RANBP17: variants seen among roughly 807,000 people sequenced by gnomAD.
RANBP17 encodes RAN binding protein 17, also known as ran-binding protein 17.
RANBP17 carries 158 observed loss-of-function variants against 141.2 expected under a neutral mutation model. That is an observed-to-expected ratio of 1.12 (90% CI 0.98 to 1.28). The LOEUF is 1.28. Among genes scored for constraint, RANBP17 ranks in the 50% most tolerant of loss-of-function variants. The probability of loss-of-function intolerance (pLI) is 0.00; values close to 1 mark genes in which losing one functional copy is unlikely to be tolerated. For synonymous variants in RANBP17, 430 were observed against 450.0 expected (o/e 0.96, Z 0.56); for missense variants, 1,438 against 1,290.7 (o/e 1.11, Z -1.75).
chr5:171,100,068 T>G (rs1388829324), intron 14 of RANBP17, among the ~76,000 whole-genome samples: 1 of 152,194 alleles, frequency 6.6e-6, no homozygotes, highest in Non-Finnish European at 1.5e-5. Context: ...AAATTTTATT[T>G]TTTTGTTGTG....
intron 14 of RANBP17, among the ~76,000 whole-genome samples, chr5:171,053,191 G>A (rs1441408439): frequency 2.0e-5 from 3 of 151,484 alleles, no homozygotes; most frequent in African/African-American, 4.9e-5. Context: ...TTTTTAATTA[G>A]GCAAGTTCTC....
intron 13 of RANBP17, among the ~76,000 whole-genome samples, chr5:170,955,452 GTATA>G (rs1224073239): frequency 5.1e-5 from 4 of 77,972 alleles, no homozygotes; most frequent in Admixed American, 1.5e-4. Flanking sequence ...AAAGAGCTCA[GTATA>G]TATATATATC....
At chr5:171,229,818 C>G (rs1026470895) in intron 22 of RANBP17, among the ~76,000 whole-genome samples, 3 of 148,650 alleles carry the variant, frequency 2.0e-5, no homozygotes, top group Admixed American at 2.0e-4. Context: ...GTAATCCCAG[C>G]ACTTTGGGAG....
At chr5:171,162,994 G>A (rs766289238) in intron 14 of RANBP17, among the ~76,000 whole-genome samples, 1 of 152,188 alleles carries the variant, frequency 6.6e-6, no homozygotes, top group South Asian at 2.1e-4. Flanking sequence ...GGTGGGTTCA[G>A]ATATTCTAAT....
intron 14 of RANBP17, among the ~76,000 whole-genome samples, chr5:171,017,805 G>A (rs774562985): frequency 2.6e-5 from 4 of 152,132 alleles, no homozygotes; most frequent in Admixed American, 6.5e-5. Flanking sequence ...TGCTTTTGGC[G>A]TTTTCATCAT....
intron 18 of RANBP17, among the ~76,000 whole-genome samples, chr5:171,184,899 A>G (rs954773037): frequency 6.6e-6 from 1 of 152,178 alleles, no homozygotes; most frequent in African/African-American, 2.4e-5. Context: ...GCGGTGGCTC[A>G]CACCTGTAAT....
intron 14 of RANBP17, among the ~76,000 whole-genome samples, chr5:171,008,599 G>C (rs192963423): frequency 1.3e-5 from 2 of 152,166 alleles, no homozygotes; most frequent in East Asian, 1.9e-4. Flanking sequence ...TTGCGGGTAG[G>C]GGGTGAATCT....
chr5:170,870,199 A>T (rs1355100215), intron 1 of RANBP17, among the ~76,000 whole-genome samples: 1 of 152,190 alleles, frequency 6.6e-6, no homozygotes, highest in Non-Finnish European at 1.5e-5. Flanking sequence ...TTATTTTCAT[A>T]TATAAATACA....
chr5:171,018,671 T>C (rs1392510645), intron 14 of RANBP17, among the ~76,000 whole-genome samples: 2 of 152,056 alleles, frequency 1.3e-5, no homozygotes, highest in African/African-American at 2.4e-5. Context: ...GATGATGGGG[T>C]TTTCTAAATA....
intron 14 of RANBP17, among the ~76,000 whole-genome samples, chr5:170,995,548 C>A (rs1044942028): frequency 6.6e-6 from 1 of 151,970 alleles, no homozygotes; most frequent in Admixed American, 6.6e-5. Context: ...ACAGACAAAG[C>A]TTTGTATACC....
chr5:171,168,435 A>C (rs995062395), intron 14 of RANBP17, among the ~76,000 whole-genome samples: 15 of 152,188 alleles, frequency 9.9e-5, no homozygotes, highest in African/African-American at 3.6e-4. Flanking sequence ...GCTGAGGCCA[A>C]GTTGTGAAAT....
At position 170,938,801 on chromosome 5, in the gene RANBP17, C is replaced by T. The variant is rs540514678; in HGVS notation, c.1468+14251C>T. Among the ~76,000 whole-genome samples the T allele has an allele frequency of 2.1e-4, 32 of 151,966 alleles. No homozygotes were observed. The South Asian group carries it at 6.2e-3, about 30-fold the overall frequency. ...AGGAAAATGAAAATATTAAAAGAGA[C>T]GTTAAAGGATGGAATGAGGTCAGGT... On this transcript the variant is annotated intron_variant, in intron 12 of 27. Transcript: ENST00000523189.
intron 13 of RANBP17, among the ~76,000 whole-genome samples, chr5:170,958,083 A>AT (rs35049493): frequency 0.61 from 93,015 of 151,896 alleles, 29,864 homozygotes; most frequent in South Asian, 0.89. Flanking sequence ...TTTTATAGGA[A>AT]TTTTCCCTGG....
intron 2 of RANBP17, among the ~76,000 whole-genome samples, chr5:170,878,803 G>T (rs958135758): frequency 2.6e-5 from 4 of 152,162 alleles, no homozygotes; most frequent in Admixed American, 2.0e-4. Flanking sequence ...AACGATTGCA[G>T]TAAGAGACTG....
chr5:170,891,466 C>T (rs1009197079), intron 3 of RANBP17, among the ~76,000 whole-genome samples: 4 of 152,090 alleles, frequency 2.6e-5, no homozygotes, highest in African/African-American at 7.2e-5. Context: ...GCGTTTTGTT[C>T]AGTTGGCCTG....
chr5:171,200,053 G>A (rs1762212782), intron 19 of RANBP17, among the ~76,000 whole-genome samples: 2 of 152,020 alleles, frequency 1.3e-5, no homozygotes, highest in Admixed American at 1.3e-4. Flanking sequence ...TTTCTTGTGG[G>A]TACACCACTT....
At chr5:171,257,212 A>G (rs946605912) in intron 24 of RANBP17, among the ~76,000 whole-genome samples, 9 of 152,262 alleles carry the variant, frequency 5.9e-5, no homozygotes, top group African/African-American at 1.9e-4. Context: ...ATAGTACACG[A>G]TGATCAATTG....
At chr5:171,273,702 A>G (rs1212363169) in intron 25 of RANBP17, among the ~76,000 whole-genome samples, 1 of 152,186 alleles carries the variant, frequency 6.6e-6, no homozygotes, top group Admixed American at 6.5e-5. Flanking sequence ...TGTAGTATAC[A>G]ATCTTAAGGA....
At chr5:171,288,254 T>C (rs1047288882) in intron 25 of RANBP17, among the ~76,000 whole-genome samples, 1 of 152,192 alleles carries the variant, frequency 6.6e-6, no homozygotes, top group Non-Finnish European at 1.5e-5. Context: ...ATCACTACCC[T>C]GGATTCTAAC....
Sources: allele counts gnomAD v4.1 joint callset (sites outside exome capture counted in the v4.1 genomes callset), GRCh38; gene constraint gnomAD v4.1.1; transcripts MANE v1.5; gene names NCBI Gene and HGNC (gene_info 2026-07-23, HGNC 2026-07-21).